Variants in RFX2 observed in about 807,000 individuals in gnomAD.
RFX2 encodes the protein regulatory factor X2, also known as DNA-binding protein RFX2.
In RFX2, 20 loss-of-function variants were observed where a neutral mutation model predicts 87.8. The ratio of observed to expected loss-of-function variants is 0.23; its 90% CI spans 0.16 to 0.33. The LOEUF (loss-of-function observed/expected upper bound fraction) is 0.33. RFX2 is among the 10% of genes least tolerant of loss of function. The pLI is 1.00. For missense variants in RFX2, 767 were observed against 1,012.3 expected, an observed-to-expected ratio of 0.76 and a Z score of 3.29; for synonymous variants, 397 against 431.3, an observed-to-expected ratio of 0.92 and a Z score of 0.98.
intron 9 of RFX2, 145 bp from the exon 10 acceptor site, chr19:6,008,369 CTTTTTCTT>C: frequency 2.8e-5 from 13 of 469,214 alleles, no homozygotes; most frequent in Middle Eastern, 5.4e-4. Context: ...CTTTCTTTTT[CTTTTTCTT>C]TTTTTTTTTT....
chr19:6,046,930 A>AT lies in RFX2; in HGVS notation c.90+476dup, dbSNP rs558543579. 7.1e-3 allele frequency among the ~76,000 whole-genome samples: 974 copies of AT among 137,308 alleles called. 9 individuals are homozygous for AT. The highest frequency in any genetic ancestry group is 0.024 in the East Asian group (114 of 4,756). The allele number at this position is 137,308 out of a possible 152,430, so 90.1% of individuals were successfully genotyped here. A position where few individuals can be genotyped will look rare whatever the true frequency, so the allele number is the denominator to read the frequency against. Reference sequence around the variant, plus strand: ...AGGTGCAGCCCACCACGCTTGGCTAATTTTTTTTTTTTTTTTTTAGAGAAA... The same window carrying AT: ...AGGTGCAGCCCACCACGCTTGGCTAATTTTTTTTTTTTTTTTTTTAGAGAAA... On this transcript the variant is annotated intron_variant, in intron 2 of 17. Coordinates refer to ENST00000303657, the MANE Select transcript of RFX2 (RefSeq NM_000635.4).
At chr19:6,070,385 G>A (rs958503926) in intron 1 of RFX2, among the ~76,000 whole-genome samples, 1 of 151,920 alleles carries the variant, frequency 6.6e-6, no homozygotes, top group African/African-American at 2.4e-5. Context: ...TCCTTCTGGA[G>A]GGGGGTCCTG....
intron 6 of RFX2, among the ~76,000 whole-genome samples, chr19:6,018,981 G>A (rs1249899755): frequency 1.3e-5 from 2 of 152,134 alleles, no homozygotes; most frequent in Admixed American, 1.3e-4. Flanking sequence ...CAGCACCAGG[G>A]ACCCCTCGCC....
chr19:6,097,228 G>A (rs1048078112), intron 1 of RFX2, among the ~76,000 whole-genome samples: 4 of 152,140 alleles, frequency 2.6e-5, no homozygotes, highest in African/African-American at 9.7e-5. Context: ...GAGGAAGAAC[G>A]AGCGGTCCAG....
chr19:6,068,513 G>A (rs2087545894), intron 1 of RFX2: 2 of 152,200 alleles, frequency 1.3e-5, no homozygotes, highest in Admixed American at 1.3e-4. Context: ...AAGGAGTGCT[G>A]GGATAGGAAG....
chr19:5,998,309 A>G lies in RFX2; in HGVS notation c.1860-1096T>C, dbSNP rs905729000. Among the ~76,000 whole-genome samples the G allele has an allele frequency of 2.0e-5, 3 of 151,898 alleles. No homozygotes were observed. Among genetic ancestry groups the G allele is most frequent in the African/African-American group, 7.3e-5 (3 of 41,346 alleles). On this transcript the variant is annotated intron_variant, in intron 15 of 17. Coordinates refer to ENST00000303657, the MANE Select transcript of RFX2 (RefSeq NM_000635.4). This position sits in a 1 kb window ranked among gnomAD's most constrained non-coding sequence, Gnocchi z 4.2. ...GGTGACAGAGCAACACTCCATCTCA[A>G]AAAAAAAGAATGAAGTGGAACAATG...
intron 1 of RFX2, among the ~76,000 whole-genome samples, chr19:6,062,758 C>G (rs574168704): frequency 6.6e-6 from 1 of 152,258 alleles, no homozygotes; most frequent in Admixed American, 6.5e-5. Context: ...CTCTGTGGTT[C>G]CAGTTGAGAA....
chr19:6,070,099 T>G (rs2087577944), intron 1 of RFX2, among the ~76,000 whole-genome samples: 3 of 26,136 alleles, frequency 1.1e-4, no homozygotes, highest in Admixed American at 4.6e-4. Context: ...GGGATGTGGA[T>G]GGGATGGGAT....
At position 6,026,958 on chromosome 19, in the gene RFX2, A is replaced by G. The variant is rs1348769346; in HGVS notation, c.523-721T>C. On this transcript the variant is annotated intron_variant, in intron 5 of 17. Coordinates refer to ENST00000303657, the MANE Select transcript of RFX2 (RefSeq NM_000635.4). The surrounding 1 kb of genome is among the most constrained non-coding windows in gnomAD (Gnocchi z 4.5). The stretch of plus-strand genomic sequence containing the variant: ...CCTGAAGGACCTGATGGAGGTGGGG[A>G]GGGAGGTGGGCGGCAGGTCCACGCG... 1.3e-5 allele frequency among the ~76,000 whole-genome samples: 2 copies of G among 151,976 alleles called. No individual in the cohort carries two copies. The highest frequency in any genetic ancestry group is 2.9e-5 in the Non-Finnish European group (2 of 67,982).
chr19:6,063,721 C>T lies in RFX2; in HGVS notation c.-8-16217G>A, dbSNP rs779020382. Among the ~76,000 whole-genome samples, 1 of 152,166 alleles carries T rather than the reference C, an allele frequency of 6.6e-6. No homozygotes were observed. Among genetic ancestry groups the T allele is most frequent in the East Asian group, 1.9e-4 (1 of 5,190 alleles). ...ACAGGCTTTCCTGACCTCAGCAATG[C>T]GGATATGAGGGGCAGGAATACACTC... On this transcript the variant is annotated intron_variant, in intron 1 of 17. Coordinates refer to ENST00000303657, the MANE Select transcript of RFX2 (RefSeq NM_000635.4). This position sits in a 1 kb window ranked among gnomAD's most constrained non-coding sequence, Gnocchi z 4.0.
intron 1 of RFX2, among the ~76,000 whole-genome samples, chr19:6,105,198 A>G (rs10402293): frequency 0.081 from 12,308 of 152,194 alleles, 536 homozygotes; most frequent in Middle Eastern, 0.11. Flanking sequence ...GGACAGTGAT[A>G]ATACAATAAA....
At chr19:6,094,673 C>A (rs1342698074) in intron 1 of RFX2, among the ~76,000 whole-genome samples, 1 of 151,990 alleles carries the variant, frequency 6.6e-6, no homozygotes, top group Admixed American at 6.6e-5. Context: ...TGGGGCTGGT[C>A]CGAACTAACA....
chr19:6,052,287 T>C (rs995875398), intron 1 of RFX2, among the ~76,000 whole-genome samples: 1 of 152,198 alleles, frequency 6.6e-6, no homozygotes, highest in African/African-American at 2.4e-5. Context: ...CAAGGAATAT[T>C]ACTGCAGATA....
At chr19:6,043,708 C>T (rs2087145371) in intron 3 of RFX2, among the ~76,000 whole-genome samples, 1 of 152,240 alleles carries the variant, frequency 6.6e-6, no homozygotes, top group Non-Finnish European at 1.5e-5. Context: ...AAACAGTTTG[C>T]TAACCATGCT....
chr19:6,092,189 A>T (rs1274748355), intron 1 of RFX2, among the ~76,000 whole-genome samples: 1 of 152,246 alleles, frequency 6.6e-6, no homozygotes, highest in Non-Finnish European at 1.5e-5. Context: ...ACGTAGAGTT[A>T]AAGAGAAAGA....
intron 5 of RFX2, among the ~76,000 whole-genome samples, chr19:6,038,747 A>T (rs1054925702): frequency 6.6e-6 from 1 of 152,198 alleles, no homozygotes; most frequent in African/African-American, 2.4e-5. Flanking sequence ...CTATAAAGAA[A>T]ATGCAAGTTG....
intron 1 of RFX2, among the ~76,000 whole-genome samples, chr19:6,055,744 G>C (rs1423150414): frequency 2.0e-5 from 3 of 152,194 alleles, no homozygotes; most frequent in African/African-American, 7.2e-5. Flanking sequence ...CTCATCAGGA[G>C]AGTGGACGAG....
chr19:6,048,650 T>G (rs1050667159), intron 1 of RFX2, among the ~76,000 whole-genome samples: 1 of 152,128 alleles, frequency 6.6e-6, no homozygotes, highest in Admixed American at 6.5e-5. Context: ...CAGAACACAA[T>G]AGACATTTGC....
Position 6,007,875 on chromosome 19 carries a change from G to C in RFX2, c.1135-73C>G, listed in dbSNP as rs1164441217. 9.1e-7 allele frequency: 1 copy of C among 1,102,218 alleles called. No individual in the cohort carries two copies. 68.3% of individuals were successfully genotyped at this position (1,102,218 alleles called of 1,614,324 possible). A position where few individuals can be genotyped will look rare whatever the true frequency, so the allele number is the denominator to read the frequency against. ...CGTGCACTCAGCACACGTCAAGTGA[G>C]CAGCCGTGATCCGGGCTACAGCGGG... On this transcript the variant is annotated intron_variant, in intron 10 of 17. Coordinates refer to ENST00000303657, the MANE Select transcript of RFX2 (RefSeq NM_000635.4). The surrounding 1 kb of genome is among the most constrained non-coding windows in gnomAD (Gnocchi z 8.2).
Sources: allele counts gnomAD v4.1 joint callset (sites outside exome capture counted in the v4.1 genomes callset), GRCh38; gene constraint gnomAD v4.1.1; non-coding constraint Gnocchi (gnomAD v3.1); transcripts MANE v1.5; gene names NCBI Gene and HGNC (gene_info 2026-07-23, HGNC 2026-07-21).